THTPA: variants seen among roughly 807,000 people sequenced by gnomAD.
The protein encoded by THTPA is thiamine-triphosphatase.
Under a neutral mutation model 16.5 loss-of-function variants are expected in THTPA, and 16 were observed. The ratio of observed to expected loss-of-function variants is 0.97; its 90% CI spans 0.66 to 1.47. THTPA has a LOEUF of 1.47. Ranked by LOEUF, THTPA falls within the 40% of genes most tolerant of loss-of-function variation. The probability of loss-of-function intolerance (pLI) is 0.00; values close to 1 mark genes in which losing one functional copy is unlikely to be tolerated. For synonymous variants in THTPA, 110 were observed against 115.5 expected (o/e 0.95, Z 0.30); for missense variants, 281 against 280.9 (o/e 1.00, Z 0.00).
At chr14:23,515,035 C>T in the THTPA span, among the ~76,000 whole-genome samples, 1 of 152,114 alleles carries the variant, frequency 6.6e-6, no homozygotes, top group Non-Finnish European at 1.5e-5. Flanking sequence ...GTAGACACAC[C>T]CAAGGCTCCA....
chr14:23,528,911 G>A, the THTPA span: 3 of 848,866 alleles, frequency 3.5e-6, no homozygotes, highest in Non-Finnish European at 4.3e-6. Flanking sequence ...GGGGATGACT[G>A]TAAAGGAAGG....
chr14:23,556,625 T>C lies in THTPA; in HGVS notation c.-133T>C. The C allele has an allele frequency of 2.2e-6, 2 of 893,862 alleles. No homozygotes were observed. Among genetic ancestry groups the C allele is most frequent in the Non-Finnish European group, 1.7e-6 (1 of 599,578 alleles). The allele number at this position is 893,862 out of a possible 1,614,324, so 55.4% of individuals were successfully genotyped here. ...AAAAGGGCAGTAGCCCTAGAGACTA[T>C]TGCGACACAGTGTGCCCCTCATAAG... On this transcript the variant is annotated 5_prime_UTR_variant, in exon 1 of 2. Coordinates refer to ENST00000288014, the MANE Select transcript of THTPA (RefSeq NM_024328.6).
At chr14:23,538,773 C>T in the THTPA span, among the ~76,000 whole-genome samples, 17 of 151,976 alleles carry the variant, frequency 1.1e-4, no homozygotes, top group South Asian at 4.2e-4. Context: ...AGGTTGGGGA[C>T]GGTCAGGGAA....
the THTPA span, among the ~76,000 whole-genome samples, chr14:23,546,229 C>CA: frequency 6.6e-6 from 1 of 152,190 alleles, no homozygotes; most frequent in African/African-American, 2.4e-5. The surrounding 1 kb of genome is among the most constrained non-coding windows in gnomAD (Gnocchi z 4.7). Context: ...GGCCCCTGTG[C>CA]ATGCGACATT....
chr14:23,536,397 T>C, the THTPA span, among the ~76,000 whole-genome samples: 3 of 152,202 alleles, frequency 2.0e-5, no homozygotes, highest in Non-Finnish European at 4.4e-5. Context: ...TCCCCTGGCA[T>C]GCAGGCACCA....
At chr14:23,521,750 G>A in the THTPA span, 1 of 816,664 alleles carries the variant, frequency 1.2e-6, no homozygotes. Context: ...CTGAGGAGGA[G>A]GATCAATGTG....
At chr14:23,524,402 C>A in the THTPA span, 1 of 1,536,260 alleles carries the variant, frequency 6.5e-7, no homozygotes, top group Non-Finnish European at 8.7e-7. This position sits in a 1 kb window ranked among gnomAD's most constrained non-coding sequence, Gnocchi z 5.6. Context: ...CCCTCCTCCC[C>A]CTGCTTCACT....
the THTPA span, among the ~76,000 whole-genome samples, chr14:23,548,727 T>G: frequency 6.6e-6 from 1 of 152,222 alleles, no homozygotes; most frequent in African/African-American, 2.4e-5. Flanking sequence ...AGGTTCTCTC[T>G]CTCTCTGTCT....
At chr14:23,523,739 T>C in the THTPA span, 2 of 1,536,136 alleles carry the variant, frequency 1.3e-6, no homozygotes, top group Admixed American at 2.0e-5. This position sits in a 1 kb window ranked among gnomAD's most constrained non-coding sequence, Gnocchi z 4.1. Flanking sequence ...CTGGGTCCTG[T>C]AGCGCCGCTG....
chr14:23,527,951 G>T, the THTPA span: 1 of 747,780 alleles, frequency 1.3e-6, no homozygotes, highest in Non-Finnish European at 2.1e-6. Context: ...CTGTCACCCA[G>T]GCCGGAGTGC....
At chr14:23,533,302 C>T in the THTPA span, 16 of 1,436,262 alleles carry the variant, frequency 1.1e-5, no homozygotes, top group Admixed American at 2.3e-4. The surrounding 1 kb of genome is among the most constrained non-coding windows in gnomAD (Gnocchi z 4.8). Flanking sequence ...GGGGAACTTG[C>T]GGGCAGGTGC....
At chr14:23,538,305 G>A in the THTPA span, among the ~76,000 whole-genome samples, 1 of 151,868 alleles carries the variant, frequency 6.6e-6, no homozygotes, top group Non-Finnish European at 1.5e-5. Context: ...CTCTGCCTCA[G>A]TACATCCTCC....
chr14:23,530,002 CT>C, the THTPA span: 2 of 1,148,338 alleles, frequency 1.7e-6, no homozygotes, highest in Admixed American at 4.0e-5. Context: ...CTGATGAGCC[CT>C]TTCTTTAATC....
the THTPA span, chr14:23,522,881 A>G: frequency 1.3e-6 from 2 of 1,499,652 alleles, no homozygotes; most frequent in African/African-American, 1.4e-5. Context: ...AGTCTGGACC[A>G]CTGTGGTGGT....
At chr14:23,532,363 A>C in the THTPA span, 1 of 584,896 alleles carries the variant, frequency 1.7e-6, no homozygotes, top group Non-Finnish European at 2.6e-6. Context: ...AGTCTGTTTC[A>C]CTTGTCAGAG....
At chr14:23,542,435 G>A in the THTPA span, among the ~76,000 whole-genome samples, 3 of 152,154 alleles carry the variant, frequency 2.0e-5, no homozygotes, top group East Asian at 1.9e-4. Flanking sequence ...GGGGGTGGGT[G>A]TCCAGGAGAG....
At chr14:23,545,070 C>T in the THTPA span, among the ~76,000 whole-genome samples, 1 of 152,112 alleles carries the variant, frequency 6.6e-6, no homozygotes, top group Admixed American at 6.5e-5. Context: ...CTCCACATTG[C>T]CATTTCTCCA....
chr14:23,512,752 A>G, the THTPA span: 2 of 149,932 alleles, frequency 1.3e-5, no homozygotes, highest in African/African-American at 4.9e-5. Context: ...ATATATATGT[A>G]TATATGCATA....
chr14:23,527,030 C>G, the THTPA span: 2 of 1,451,226 alleles, frequency 1.4e-6, no homozygotes, highest in Non-Finnish European at 1.8e-6. Flanking sequence ...CCCTATGCCA[C>G]TCCTGACCCA....
Sources: allele counts gnomAD v4.1 joint callset (sites outside exome capture counted in the v4.1 genomes callset), GRCh38; gene constraint gnomAD v4.1.1; non-coding constraint Gnocchi (gnomAD v3.1); transcripts MANE v1.5; gene names NCBI Gene and HGNC (gene_info 2026-07-23, HGNC 2026-07-21).